The following DAO variants were observed in gnomAD, a reference collection of about 807,000 sequenced individuals.
DAO encodes D-amino-acid oxidase.
DAO carries 51 observed loss-of-function variants against 50.1 expected under a neutral mutation model. That is an observed-to-expected ratio of 1.02 (90% CI 0.81 to 1.29). The LOEUF is 1.29. Ranked by LOEUF, DAO falls within the 50% of genes most tolerant of loss-of-function variation. The probability of loss-of-function intolerance (pLI) is 0.00; values close to 1 mark genes in which losing one functional copy is unlikely to be tolerated. For synonymous variants in DAO, 160 were observed against 166.2 expected (o/e 0.96, Z 0.29); for missense variants, 436 against 439.4 (o/e 0.99, Z 0.07).
At chr12:108,886,552 A>G (rs2039438320) in intron 2 of DAO, among the ~76,000 whole-genome samples, 5 of 152,068 alleles carry the variant, frequency 3.3e-5, no homozygotes, top group Admixed American at 3.3e-4. Context: ...TGCAGCCTTG[A>G]CCTCCTGGGC....
At chr12:108,883,101 G>A (rs1026385773) in intron 1 of DAO, among the ~76,000 whole-genome samples, 3 of 151,594 alleles carry the variant, frequency 2.0e-5, no homozygotes, top group East Asian at 1.9e-4. Context: ...AGCCAAGGTC[G>A]CACAGCAAGG....
intron 7 of DAO, 49 bp downstream of exon 7, chr12:108,894,416 C>G (rs2137358188): frequency 7.3e-7 from 1 of 1,366,628 alleles, no homozygotes; most frequent in Non-Finnish European, 1.0e-6. Context: ...GAAGATCATT[C>G]TGCATGCTTA....
At chr12:108,885,442 C>T (rs192353370) in intron 2 of DAO, among the ~76,000 whole-genome samples, 1 of 152,094 alleles carries the variant, frequency 6.6e-6, no homozygotes, top group Non-Finnish European at 1.5e-5. Flanking sequence ...AACCCCATCT[C>T]TACCAAAAAT....
intron 6 of DAO, 68 bp downstream of exon 6, chr12:108,893,104 G>A (rs1310703457): frequency 6.9e-7 from 1 of 1,455,992 alleles, no homozygotes; most frequent in Non-Finnish European, 9.6e-7. Context: ...TCTTGCTGCT[G>A]AGTCGGGGGC....
At chr12:108,896,639 G>A (rs939856986) in intron 7 of DAO, among the ~76,000 whole-genome samples, 5 of 152,124 alleles carry the variant, frequency 3.3e-5, no homozygotes, top group African/African-American at 1.2e-4. Flanking sequence ...CCCCGCAGCT[G>A]TGAACTCAGC....
At chr12:108,889,641 C>T (rs1001771502) in intron 4 of DAO, 96 bp downstream of exon 4, 15 of 947,068 alleles carry the variant, frequency 1.6e-5, no homozygotes, top group Admixed American at 3.6e-5. Flanking sequence ...GATTTCCTGT[C>T]CTACCCAGGC....
chr12:108,898,700 A>G lies in DAO; in HGVS notation c.717A>G (p.Gly239=). ...CTAGGACCCAGACAGTTACTCTTGG[A>G]GGCATCTTCCAGTTGGGAAACTGGA... is the stretch of plus-strand genomic sequence containing the variant. ...IIPGTQTVTL[G]GIFQLGNWSE... Residue 239 remains glycine, a synonymous_variant, in exon 9 of 11, where the codon GGA becomes GGG. Coordinates refer to ENST00000228476, the MANE Select transcript of DAO (RefSeq NM_001917.5). 1 of 1,613,092 alleles carries G rather than the reference A, an allele frequency of 6.2e-7. No homozygotes were observed. Among genetic ancestry groups the G allele is most frequent in the Non-Finnish European group, 8.5e-7 (1 of 1,179,116 alleles).
In DAO at chr12:108,885,030, A is replaced by T. The variant is rs181080261; in HGVS notation, c.24A>T (p.Ala8=). The change falls in exon 2 of 11, where the codon GCA becomes GCT. Residue 8 remains alanine, a synonymous_variant. Coordinates refer to ENST00000228476, the MANE Select transcript of DAO (RefSeq NM_001917.5). MRVVVIG[A]GVIGLSTALC... ...CAATGCGTGTGGTGGTGATTGGAGC[A>T]GGAGTCATCGGGCTGTCCACCGCCC... 151 of 1,614,132 alleles carry T rather than the reference A, an allele frequency of 9.4e-5. No homozygotes were observed. The highest frequency in any genetic ancestry group is 1.3e-4 in the Non-Finnish European group (148 of 1,180,028).
chr12:108,895,617 A>C (rs9668314), intron 7 of DAO, among the ~76,000 whole-genome samples: 2 of 123,976 alleles, frequency 1.6e-5, no homozygotes, highest in South Asian at 2.5e-4. Context: ...TGTGTGTGAG[A>C]GTATGTATGC....
chr12:108,889,844 A>C (rs2039471600), intron 4 of DAO, among the ~76,000 whole-genome samples: 1 of 152,190 alleles, frequency 6.6e-6, no homozygotes, highest in South Asian at 2.1e-4. Context: ...AAGGTCACAC[A>C]GCCAAGTGGC....
intron 5 of DAO, among the ~76,000 whole-genome samples, chr12:108,891,375 G>C (rs754212335): frequency 6.6e-6 from 1 of 151,232 alleles, no homozygotes; most frequent in Non-Finnish European, 1.5e-5. Context: ...GCTTTATCCC[G>C]GGAAGGAGAG....
At chr12:108,884,841 G>T (rs1364960179) in intron 1 of DAO, among the ~76,000 whole-genome samples, 157 bp from the exon 2 acceptor site, 2 of 152,158 alleles carry the variant, frequency 1.3e-5, no homozygotes, top group Non-Finnish European at 2.9e-5. Flanking sequence ...CGGGAACAAT[G>T]ATATTCCTTC....
rs893472976 is a variant in DAO at position 108,892,885 on chromosome 12, G to T, written c.453-97G>T. 9.3e-6 allele frequency: 10 copies of T among 1,076,438 alleles called. No homozygotes were observed. In the East Asian group the frequency reaches 1.9e-4, roughly 20 times the overall value. The allele number at this position is 1,076,438 out of a possible 1,614,324, so 66.7% of individuals were successfully genotyped here. ...GCAGCATCCTGTGCAACTAACGTCC[G>T]CAGAAGGTTGTTTGGGAAAGGTCCC... On this transcript the variant is annotated intron_variant, in intron 5 of 10. Coordinates refer to ENST00000228476, the MANE Select transcript of DAO (RefSeq NM_001917.5).
intron 1 of DAO, among the ~76,000 whole-genome samples, chr12:108,883,071 C>G (rs1319971976): frequency 1.3e-5 from 2 of 151,760 alleles, no homozygotes; most frequent in Non-Finnish European, 2.9e-5. Flanking sequence ...GTCAAAAAGC[C>G]CAGAGAGGGG....
intron 5 of DAO, among the ~76,000 whole-genome samples, chr12:108,892,200 T>C (rs1210219472): frequency 6.9e-6 from 1 of 144,554 alleles, no homozygotes; most frequent in Non-Finnish European, 1.5e-5. Flanking sequence ...TCTTGCTCTG[T>C]CACCCAGGCT....
intron 1 of DAO, among the ~76,000 whole-genome samples, chr12:108,882,735 C>T (rs1593156500): frequency 1.3e-5 from 2 of 152,108 alleles, no homozygotes; most frequent in South Asian, 2.1e-4. Context: ...AGTCAGGCTG[C>T]GAACCTGGGT....
chr12:108,895,185 C>T (rs1015811949), intron 7 of DAO, among the ~76,000 whole-genome samples: 4 of 143,122 alleles, frequency 2.8e-5, no homozygotes, highest in African/African-American at 1.1e-4. Context: ...GGCAACCTGG[C>T]TTAAGAGCCT....
intron 7 of DAO, 85 bp downstream of exon 7, chr12:108,894,452 A>C: frequency 8.8e-7 from 1 of 1,141,774 alleles, no homozygotes; most frequent in South Asian, 1.3e-5. Flanking sequence ...TCATGGACAA[A>C]TCAGGAACAT....
chr12:108,889,660 C>T, intron 4 of DAO, 115 bp downstream of exon 4: 1 of 771,618 alleles, frequency 1.3e-6, no homozygotes, highest in Admixed American at 2.0e-5. Flanking sequence ...GCCCTGGTAC[C>T]CTGGTCTCCT....
Sources: allele counts gnomAD v4.1 joint callset (sites outside exome capture counted in the v4.1 genomes callset), GRCh38; gene constraint gnomAD v4.1.1; transcripts MANE v1.5; gene names NCBI Gene and HGNC (gene_info 2026-07-23, HGNC 2026-07-21).